GALNT9: variants seen among roughly 807,000 people sequenced by gnomAD.
GALNT9 encodes the protein GalNAc transferase 9.
GALNT9 carries 47 observed loss-of-function variants against 63.1 expected under a neutral mutation model. The ratio of observed to expected loss-of-function variants is 0.75; its 90% CI spans 0.59 to 0.95. GALNT9 has a LOEUF of 0.95. GALNT9 is among the 40% of genes least tolerant of loss of function. The pLI, the probability that GALNT9 is intolerant of heterozygous loss-of-function variation, is 0.00. For missense variants in GALNT9, 829 were observed against 874.8 expected (o/e 0.95, Z 0.66); for synonymous variants, 396 against 365.7 (o/e 1.08, Z -0.94).
At position 132,245,506 on chromosome 12, in the gene GALNT9, G is replaced by T. The variant is rs1178153858; in HGVS notation, c.1077+2404C>A. On this transcript the variant is annotated intron_variant, in intron 6 of 10. Transcript: ENST00000328957. This position sits in a 1 kb window ranked among gnomAD's most constrained non-coding sequence, Gnocchi z 6.3. ...AAGCTCTCCAACGGCTGCAGCCAGGGCCCTCTGTGGTCCGGCACCCACACC... is the reference window on the plus strand; with the variant it reads ...AAGCTCTCCAACGGCTGCAGCCAGGTCCCTCTGTGGTCCGGCACCCACACC... Among the ~76,000 whole-genome samples the T allele has an allele frequency of 6.6e-5, 10 of 151,964 alleles. No individual in the cohort carries two copies. The highest frequency in any genetic ancestry group is 1.5e-5 in the Non-Finnish European group (1 of 67,974).
In GALNT9 at chr12:132,282,545, C is replaced by T. The variant is rs1363284008; in HGVS notation, c.419+3705G>A. On this transcript the variant is annotated intron_variant, in intron 2 of 10. Coordinates refer to ENST00000328957, the MANE Select transcript of GALNT9 (RefSeq NM_001122636.2). The surrounding 1 kb of genome is among the most constrained non-coding windows in gnomAD (Gnocchi z 4.5). ...GATCTAGGTGTTCAGACACTGGCCCCTTCTTGGGTTTCGTGAGGGACCCTG... is the reference window on the plus strand; with the variant it reads ...GATCTAGGTGTTCAGACACTGGCCCTTTCTTGGGTTTCGTGAGGGACCCTG... Among the ~76,000 whole-genome samples, 2 of 152,164 alleles carry T rather than the reference C, an allele frequency of 1.3e-5. No individual in the cohort carries two copies. Among genetic ancestry groups the T allele is most frequent in the African/African-American group, 2.4e-5 (1 of 41,426 alleles).
chr12:132,240,838 T>TAC, intron 6 of GALNT9: 1 of 398,746 alleles, frequency 2.5e-6, no homozygotes, highest in African/African-American at 2.1e-5. Flanking sequence ...CTATACCCAT[T>TAC]ACACACACAC....
At chr12:132,297,223 C>G (rs1286990470) in intron 1 of GALNT9, among the ~76,000 whole-genome samples, 1 of 142,914 alleles carries the variant, frequency 7.0e-6, no homozygotes. Context: ...GACCAAGCCA[C>G]TTCCATCATA....
At chr12:132,281,586 T>C (rs1229336865) in intron 2 of GALNT9, among the ~76,000 whole-genome samples, 1 of 152,226 alleles carries the variant, frequency 6.6e-6, no homozygotes, top group African/African-American at 2.4e-5. Flanking sequence ...AGTGAGGGTA[T>C]AGAGCAAATG....
intron 6 of GALNT9, among the ~76,000 whole-genome samples, chr12:132,240,242 TG>T (rs1555236776): frequency 6.6e-6 from 1 of 152,090 alleles, no homozygotes; most frequent in African/African-American, 2.4e-5. Flanking sequence ...GTCAGGGATC[TG>T]GAATATGACC....
rs943351455 is a variant in GALNT9 at position 132,196,805 on chromosome 12, C to T, written c.*302G>A. The T allele has an allele frequency of 3.1e-5, 36 of 1,166,496 alleles. No individual in the cohort carries two copies. The highest frequency in any genetic ancestry group is 1.6e-4 in the African/African-American group (10 of 62,306). 72.3% of individuals were successfully genotyped at this position (1,166,496 alleles called of 1,614,324 possible). ...TGGGGGGCTGTGGTACATGCAGAGG[C>T]GGCGGCTGTCCCAGCAGCCTGGCCA... On this transcript the variant is annotated 3_prime_UTR_variant, in exon 11 of 11. Transcript: ENST00000328957.
chr12:132,320,808 C>T (rs1463521190), intron 1 of GALNT9, among the ~76,000 whole-genome samples: 2 of 152,180 alleles, frequency 1.3e-5, no homozygotes, highest in African/African-American at 2.4e-5. Flanking sequence ...GCGGCGCCAG[C>T]GGGGGGGTCC....
Position 132,265,871 on chromosome 12 carries a change from A to G in GALNT9, c.420-3246T>C, listed in dbSNP as rs555745976. Among the ~76,000 whole-genome samples the G allele has an allele frequency of 2.8e-4, 43 of 152,388 alleles. No individual in the cohort carries two copies. The highest frequency in any genetic ancestry group is 1.0e-3 in the African/African-American group (42 of 41,596). On this transcript the variant is annotated intron_variant, in intron 2 of 10. Transcript: ENST00000328957. The surrounding 1 kb of genome is among the most constrained non-coding windows in gnomAD (Gnocchi z 5.3). ...AGACACACCCCCAGGTGAGGATTCT[A>G]TATGTAATGATACATGCAGTGTGTG...
intron 7 of GALNT9, among the ~76,000 whole-genome samples, chr12:132,202,826 T>TG (rs750631028): frequency 6.1e-4 from 93 of 151,574 alleles, no homozygotes; most frequent in Non-Finnish European, 1.2e-3. Flanking sequence ...GTTGTGGGGG[T>TG]GGGGCGCTTT....
At position 132,246,978 on chromosome 12, in the gene GALNT9, T is replaced by TTAA. The variant is rs1201475576; in HGVS notation, c.1077+929_1077+931dup. ...CAGCACAGGTTTTGAAAGGTGCAAC[T>TTAA]TAATAAACTACATATAAATTTTTAA... On this transcript the variant is annotated intron_variant, in intron 6 of 10. Transcript: ENST00000328957. The surrounding 1 kb of genome is among the most constrained non-coding windows in gnomAD (Gnocchi z 4.7). Among the ~76,000 whole-genome samples, 3 of 152,218 alleles carry TTAA rather than the reference T, an allele frequency of 2.0e-5. No homozygotes were observed. Among genetic ancestry groups the TTAA allele is most frequent in the African/African-American group, 7.2e-5 (3 of 41,458 alleles).
intron 4 of GALNT9, among the ~76,000 whole-genome samples, chr12:132,258,621 G>A (rs1314174222): frequency 1.3e-5 from 2 of 152,206 alleles, no homozygotes; most frequent in African/African-American, 4.8e-5. Context: ...CCGAAGCCCG[G>A]GCGTGTGCCT....
intron 2 of GALNT9, among the ~76,000 whole-genome samples, chr12:132,270,187 G>A (rs577274543): frequency 3.6e-4 from 55 of 152,358 alleles, no homozygotes; most frequent in African/African-American, 1.3e-3. Context: ...CAAGACAGTT[G>A]TAAACTATGG....
intron 6 of GALNT9, among the ~76,000 whole-genome samples, chr12:132,207,915 C>G: frequency 6.6e-6 from 1 of 152,304 alleles, no homozygotes; most frequent in South Asian, 2.1e-4. Context: ...GCCCCCACCC[C>G]CCACCACGAC....
chr12:132,287,066 C>A (rs1234576271), intron 1 of GALNT9, among the ~76,000 whole-genome samples: 2 of 103,728 alleles, frequency 1.9e-5, no homozygotes, highest in Non-Finnish European at 4.8e-5. Context: ...AGCGCCCCCC[C>A]CCCCCCCCGT....
intron 1 of GALNT9, among the ~76,000 whole-genome samples, chr12:132,287,481 G>T (rs997918820): frequency 6.6e-6 from 1 of 152,184 alleles, no homozygotes; most frequent in Non-Finnish European, 1.5e-5. Flanking sequence ...GCTACTCTGG[G>T]GTAGGAAGAA....
At chr12:132,210,352 T>G (rs545702563) in intron 6 of GALNT9, among the ~76,000 whole-genome samples, 1 of 152,342 alleles carries the variant, frequency 6.6e-6, no homozygotes, top group Admixed American at 6.5e-5. Context: ...CCTGTTCTTC[T>G]GGTCAAGGCA....
rs372433100 is a variant in GALNT9 at position 132,320,966 on chromosome 12, T to C, written c.238+8000A>G. 4.3e-4 allele frequency among the ~76,000 whole-genome samples: 66 copies of C among 152,204 alleles called. No homozygotes were observed. The East Asian group carries it at 0.012, about 28-fold the overall frequency. On this transcript the variant is annotated intron_variant, in intron 1 of 10. Coordinates refer to ENST00000328957, the MANE Select transcript of GALNT9 (RefSeq NM_001122636.2). ...TGCAGCTGAGGAGGGAGGAGCTGGG[T>C]TTGAACCCAGGCGGTCGACGCCACA... is the stretch of plus-strand genomic sequence containing the variant.
At chr12:132,304,691 G>A (rs112301939) in intron 1 of GALNT9, among the ~76,000 whole-genome samples, 49 of 9,088 alleles carry the variant, frequency 5.4e-3, no homozygotes, top group Non-Finnish European at 7.2e-3. Flanking sequence ...GCACACCCTC[G>A]CCCAGACACA....
chr12:132,284,474 T>G (rs1555241979), intron 2 of GALNT9: 1 of 152,262 alleles, frequency 6.6e-6, no homozygotes, highest in African/African-American at 2.4e-5. Flanking sequence ...CTGGCCTATT[T>G]TAAAACTAAA....
Sources: allele counts gnomAD v4.1 joint callset (sites outside exome capture counted in the v4.1 genomes callset), GRCh38; gene constraint gnomAD v4.1.1; non-coding constraint Gnocchi (gnomAD v3.1); transcripts MANE v1.5; gene names NCBI Gene and HGNC (gene_info 2026-07-23, HGNC 2026-07-21).